The following MITF variants were observed in gnomAD, a reference collection of about 807,000 sequenced individuals.
MITF encodes the protein microphthalmia-associated transcription factor.
In MITF, 17 loss-of-function variants were observed where a neutral mutation model predicts 60.5. The ratio of observed to expected loss-of-function variants is 0.28; its 90% confidence interval spans 0.19 to 0.42. MITF has a LOEUF of 0.42. Ranked by LOEUF, MITF falls within the 10% of genes least tolerant of loss-of-function variation. The pLI is 1.00. For missense variants in MITF, 622 were observed against 683.5 expected, an observed-to-expected ratio of 0.91 and a Z score of 1.00; for synonymous variants, 260 against 248.5, an observed-to-expected ratio of 1.05 and a Z score of -0.43.
At chr3:69,889,154 G>C (rs2064700812) in intron 2 of MITF, among the ~76,000 whole-genome samples, 1 of 145,572 alleles carries the variant, frequency 6.9e-6, no homozygotes, top group Non-Finnish European at 1.5e-5. Flanking sequence ...CTTACCCTTA[G>C]TATCCAAGCA....
At position 69,755,692 on chromosome 3, in the gene MITF, C is replaced by A. The variant is rs112802797; in HGVS notation, c.104+15991C>A. On this transcript the variant is annotated intron_variant, in intron 1 of 9. Transcript: ENST00000352241. Reference sequence around the variant, plus strand: ...TCCATCTTTCTCAGGGGAGAGATTTCGATTATATTACACATGTATGTGGAT... The same window carrying A: ...TCCATCTTTCTCAGGGGAGAGATTTAGATTATATTACACATGTATGTGGAT... Among the ~76,000 whole-genome samples the A allele has an allele frequency of 4.0e-3, 610 of 151,836 alleles. 6 individuals are homozygous for A. Among genetic ancestry groups the A allele is most frequent in the African/African-American group, 0.014 (566 of 41,378 alleles).
At chr3:69,855,362 T>C (rs1412130898) in intron 1 of MITF, among the ~76,000 whole-genome samples, 4 of 151,884 alleles carry the variant, frequency 2.6e-5, no homozygotes, top group African/African-American at 9.7e-5. Flanking sequence ...AATAAAGAAG[T>C]TAAATACCAA....
chr3:69,921,043 T>C (rs1168173846), intron 2 of MITF, among the ~76,000 whole-genome samples: 1 of 152,174 alleles, frequency 6.6e-6, no homozygotes, highest in Non-Finnish European at 1.5e-5. Context: ...AATTTTTTTG[T>C]AGTTTTAGTA....
chr3:69,761,169 C>T (rs1445369501), intron 1 of MITF, among the ~76,000 whole-genome samples: 1 of 151,882 alleles, frequency 6.6e-6, no homozygotes, highest in Non-Finnish European at 1.5e-5. Context: ...AGGAAGGTAC[C>T]TATGTAATTA....
chr3:69,823,132 G>C (rs1475307847), intron 1 of MITF, among the ~76,000 whole-genome samples: 1 of 152,144 alleles, frequency 6.6e-6, no homozygotes, highest in Non-Finnish European at 1.5e-5. Context: ...GCCCACCTCT[G>C]CCTCCCAAAG....
At chr3:69,843,214 C>T (rs1453448648) in intron 1 of MITF, among the ~76,000 whole-genome samples, 1 of 152,108 alleles carries the variant, frequency 6.6e-6, no homozygotes, top group African/African-American at 2.4e-5. Flanking sequence ...TCATTTGTTT[C>T]TCTGGATACC....
At chr3:69,840,214 G>A (rs143491570) in intron 1 of MITF, among the ~76,000 whole-genome samples, 1 of 152,250 alleles carries the variant, frequency 6.6e-6, no homozygotes, top group Non-Finnish European at 1.5e-5. Flanking sequence ...ATCTTCTTTG[G>A]TAGAAATGTG....
intron 2 of MITF, among the ~76,000 whole-genome samples, chr3:69,894,734 T>A (rs2064835650): frequency 6.6e-6 from 1 of 152,182 alleles, no homozygotes; most frequent in Admixed American, 6.5e-5. Context: ...CTCTGTAATT[T>A]ATGGTACAAG....
At chr3:69,817,720 G>A (rs1436599190) in intron 1 of MITF, among the ~76,000 whole-genome samples, 6 of 152,034 alleles carry the variant, frequency 3.9e-5, no homozygotes, top group African/African-American at 7.2e-5. Context: ...GCATGTATGG[G>A]TATGTTATAT....
chr3:69,879,367 C>T lies in MITF; in HGVS notation c.338C>T (p.Pro113Leu), dbSNP rs758694666. Residue 113 changes from proline to leucine, a missense_variant, in exon 2 of 10, where the codon CCG (proline) becomes CTG (leucine). Physicochemically the swap from Pro to Leu is moderately conservative, Grantham distance 98 (BLOSUM62 -3). Transcript: ENST00000352241. Reference protein sequence around the residue: ...PTTLPSATQVPMEVLKVQTHL... With the variant: ...PTTLPSATQVLMEVLKVQTHL... ...ACCCTTCCCTCTGCCACGCAGGTGCCGATGGAAGTCCTTAAGGTACGTGAG... is the reference window on the plus strand; with the variant it reads ...ACCCTTCCCTCTGCCACGCAGGTGCTGATGGAAGTCCTTAAGGTACGTGAG... 6 of 1,614,056 alleles carry T rather than the reference C, an allele frequency of 3.7e-6. No homozygotes were observed. Among genetic ancestry groups the T allele is most frequent in the Middle Eastern group, 1.6e-4 (1 of 6,084 alleles).
chr3:69,913,901 G>A (rs1394731703), intron 2 of MITF, among the ~76,000 whole-genome samples: 1 of 152,162 alleles, frequency 6.6e-6, no homozygotes, highest in Non-Finnish European at 1.5e-5. Context: ...TATTAACTGT[G>A]ACACAATGGA....
At chr3:69,957,668 T>A (rs1559749823) in intron 8 of MITF, among the ~76,000 whole-genome samples, 1 of 152,244 alleles carries the variant, frequency 6.6e-6, no homozygotes, top group Non-Finnish European at 1.5e-5. Flanking sequence ...TTATCAGCTT[T>A]CACTTTTTAG....
At chr3:69,856,058 G>A (rs1003630051) in intron 1 of MITF, among the ~76,000 whole-genome samples, 2 of 152,122 alleles carry the variant, frequency 1.3e-5, no homozygotes, top group Non-Finnish European at 2.9e-5. Context: ...CTCACTTACT[G>A]TGATTTCAGA....
intron 2 of MITF, among the ~76,000 whole-genome samples, chr3:69,919,896 C>A (rs1575963428): frequency 6.6e-6 from 1 of 151,314 alleles, no homozygotes; most frequent in South Asian, 2.1e-4. Flanking sequence ...AGCAAGCCAC[C>A]CAGGCGCCAA....
intron 7 of MITF, among the ~76,000 whole-genome samples, chr3:69,955,775 C>T (rs2066381745): frequency 6.6e-6 from 1 of 152,048 alleles, no homozygotes; most frequent in African/African-American, 2.4e-5. Flanking sequence ...GATCCTGCCA[C>T]CGCACTCCAG....
intron 2 of MITF, chr3:69,936,653 G>A (rs946535200): frequency 2.5e-6 from 4 of 1,605,538 alleles, no homozygotes; most frequent in Non-Finnish European, 2.6e-6. Flanking sequence ...CTTCAAATTG[G>A]AATTATAGAA....
chr3:69,889,213 A>G (rs984227564), intron 2 of MITF, among the ~76,000 whole-genome samples: 1 of 151,732 alleles, frequency 6.6e-6, no homozygotes, highest in African/African-American at 2.4e-5. Flanking sequence ...ATGCTAACTG[A>G]TGGACCTCAT....
chr3:69,823,898 G>A (rs1253649330), intron 1 of MITF, among the ~76,000 whole-genome samples: 1 of 152,122 alleles, frequency 6.6e-6, no homozygotes, highest in African/African-American at 2.4e-5. Context: ...CTGTGTTTTG[G>A]TTAGCAGAAT....
At chr3:69,900,583 C>G (rs920631893) in intron 2 of MITF, among the ~76,000 whole-genome samples, 1 of 152,148 alleles carries the variant, frequency 6.6e-6, no homozygotes, top group African/African-American at 2.4e-5. Flanking sequence ...CTAGAGTTGA[C>G]AAAACCTGAT....
Sources: allele counts gnomAD v4.1 joint callset (sites outside exome capture counted in the v4.1 genomes callset), GRCh38; gene constraint gnomAD v4.1.1; transcripts MANE v1.5; gene names NCBI Gene and HGNC (gene_info 2026-07-23, HGNC 2026-07-21).